Variants in GABPB2 observed in about 807,000 individuals in gnomAD.
GABPB2 encodes the protein GA binding protein transcription factor subunit beta 2, also known as GA-binding protein subunit beta-2.
A neutral mutation model predicts 39.1 loss-of-function variants in GABPB2; 23 were observed. The observed-to-expected ratio is 0.59, with a 90% CI of 0.42 to 0.83. The LOEUF (loss-of-function observed/expected upper bound fraction) is 0.83, where lower values mean the gene tolerates loss of function less well. GABPB2 is among the 40% of genes least tolerant of loss of function. The pLI is 0.00. For synonymous variants in GABPB2, 184 were observed against 199.3 expected (o/e 0.92, Z 0.65); for missense variants, 467 against 541.1 (o/e 0.86, Z 1.36).
At chr1:151,088,402 C>A in intron 2 of GABPB2, 105 bp downstream of exon 2, 1 of 1,234,428 alleles carries the variant, frequency 8.1e-7, no homozygotes, top group Non-Finnish European at 1.1e-6. Context: ...CCCTTTCTAC[C>A]TCATATCCCT....
intron 6 of GABPB2, among the ~76,000 whole-genome samples, chr1:151,105,279 T>C (rs911077612): frequency 1.3e-5 from 2 of 151,906 alleles, no homozygotes; most frequent in Non-Finnish European, 2.9e-5. Context: ...TTTATTGGGA[T>C]ATTGACTAAT....
chr1:151,094,248 C>T (rs1426441339), intron 4 of GABPB2, among the ~76,000 whole-genome samples: 2 of 151,820 alleles, frequency 1.3e-5, no homozygotes, highest in East Asian at 1.9e-4. Context: ...GACAGGGTTT[C>T]GCCATGTTGC....
rs895764582 is a variant in GABPB2 at position 151,118,461 on chromosome 1, A to G, written c.*205A>G. ...GGGAACATTTTTTCTGAGGGGCCAA[A>G]AGAATAAAGGACCAAATTTCTTAGC... On this transcript the variant is annotated 3_prime_UTR_variant, in exon 9 of 9. Transcript: ENST00000368918. 1.5e-4 allele frequency: 74 copies of G among 500,292 alleles called. No individual in the cohort carries two copies. In the Middle Eastern group the frequency reaches 3.3e-3, roughly 22 times the overall value. 31.0% of individuals were successfully genotyped at this position (500,292 alleles called of 1,614,324 possible).
chr1:151,086,670 ATTT>A (rs35098609), intron 1 of GABPB2, among the ~76,000 whole-genome samples: 103,613 of 147,764 alleles, frequency 0.7, 37,266 homozygotes, highest in East Asian at 0.88. Context: ...CTTGTTCTTA[ATTT>A]TTTTTTTTTT....
intron 7 of GABPB2, among the ~76,000 whole-genome samples, chr1:151,110,814 T>G (rs1179900605): frequency 6.6e-6 from 1 of 152,180 alleles, no homozygotes; most frequent in Non-Finnish European, 1.5e-5. Context: ...ACAGATTTCA[T>G]GAGTTATCTG....
At position 151,117,456 on chromosome 1, in the gene GABPB2, G is replaced by A. The variant is rs775155410; in HGVS notation, c.987G>A (p.Lys329=). The A allele has an allele frequency of 2.4e-5, 38 of 1,613,726 alleles. No homozygotes were observed. The Admixed American group carries it at 4.0e-4, about 17-fold the overall frequency. The part of the protein sequence containing the change: ...ETVIKEEEEE[K]LPLTKKPRIG... ...TAATTAAAGAGGAAGAAGAAGAGAA[G>A]TTGCCACTAACAAAGAAACCAAGGA... Residue 329 remains lysine, a synonymous_variant, in exon 8 of 9, where the codon AAG becomes AAA. Transcript: ENST00000368918.
rs1680042032 is a variant in GABPB2 at position 151,107,266 on chromosome 1, A to G, written c.922+44A>G. Reference sequence around the variant, plus strand: ...ACAATTGTTTATTAAAAGATATTTTAGATACTCCATACTCACCTAAAAATG... The same window carrying G: ...ACAATTGTTTATTAAAAGATATTTTGGATACTCCATACTCACCTAAAAATG... On this transcript the variant is annotated intron_variant, in intron 7 of 8. Coordinates refer to ENST00000368918, the MANE Select transcript of GABPB2 (RefSeq NM_144618.3). 6 of 1,342,430 alleles carry G rather than the reference A, an allele frequency of 4.5e-6. No individual in the cohort carries two copies. The East Asian group carries it at 1.5e-4, about 35-fold the overall frequency. 83.2% of individuals were successfully genotyped at this position (1,342,430 alleles called of 1,614,324 possible).
intron 1 of GABPB2, among the ~76,000 whole-genome samples, chr1:151,077,858 A>G (rs1443029783): frequency 2.0e-5 from 3 of 152,162 alleles, no homozygotes; most frequent in Non-Finnish European, 4.4e-5. Flanking sequence ...AGGCTGAGAC[A>G]GGAGAATCGC....
In GABPB2 at chr1:151,117,572, AC is replaced by A. The variant is rs1229981899; in HGVS notation, c.1047+59del. The A allele has an allele frequency of 3.2e-6, 5 of 1,558,642 alleles. No individual in the cohort carries two copies. The African/African-American group carries it at 6.9e-5, about 21-fold the overall frequency. On this transcript the variant is annotated intron_variant, in intron 8 of 8. Coordinates refer to ENST00000368918, the MANE Select transcript of GABPB2 (RefSeq NM_144618.3). ...TAAAGCCTTAATTATTAAGGCCTGA[AC>A]CCTTCTTCATCTTTTCTTTTTTCTT...
rs1234062941 is a variant in GABPB2 at position 151,119,848 on chromosome 1, G to C, written c.*1592G>C. The C allele has an allele frequency of 6.6e-6, 1 of 152,178 alleles. No individual in the cohort carries two copies. The highest frequency in any genetic ancestry group is 1.5e-5 in the Non-Finnish European group (1 of 68,142). 9.4% of individuals were successfully genotyped at this position (152,178 alleles called of 1,614,324 possible). A position where few individuals can be genotyped will look rare whatever the true frequency, so the allele number is the denominator to read the frequency against. On this transcript the variant is annotated 3_prime_UTR_variant, in exon 9 of 9. Transcript: ENST00000368918. ...AGGCAGGAGAATCGCTTGAACCCGGGAGGCGGAGGTTGCAGTGAGCTGAGA... is the reference window on the plus strand; with the variant it reads ...AGGCAGGAGAATCGCTTGAACCCGGCAGGCGGAGGTTGCAGTGAGCTGAGA...
rs1005267287 is a variant in GABPB2 at position 151,125,199 on chromosome 1, A to G, written c.*6943A>G. ...CTTTAGACATCTTGTTCTAGCAACAATGATGGTAGCAGCTCTCTCCCTGAC... is the reference window on the plus strand; with the variant it reads ...CTTTAGACATCTTGTTCTAGCAACAGTGATGGTAGCAGCTCTCTCCCTGAC... On this transcript the variant is annotated 3_prime_UTR_variant, in exon 9 of 9. Transcript: ENST00000368918. 7 of 152,180 alleles carry G rather than the reference A, an allele frequency of 4.6e-5. No individual in the cohort carries two copies. The highest frequency in any genetic ancestry group is 1.2e-4 in the African/African-American group (5 of 41,410). 9.4% of individuals were successfully genotyped at this position (152,180 alleles called of 1,614,324 possible).
In GABPB2 at chr1:151,115,355, T is replaced by C. The variant is rs184495802; in HGVS notation, c.923-2037T>C. Among the ~76,000 whole-genome samples, 6 of 151,176 alleles carry C rather than the reference T, an allele frequency of 4.0e-5. No individual in the cohort carries two copies. In the East Asian group the frequency reaches 1.2e-3, roughly 29 times the overall value. On this transcript the variant is annotated intron_variant, in intron 7 of 8. Coordinates refer to ENST00000368918, the MANE Select transcript of GABPB2 (RefSeq NM_144618.3). ...CCTGAATAATAAGAATGAAACTCCG[T>C]CTCAAAAGAAGGAAGGAAAGAAAGA...
At chr1:151,107,343 C>A in intron 7 of GABPB2, 121 bp downstream of exon 7, 290 of 472,134 alleles carry the variant, frequency 6.1e-4, no homozygotes, top group Middle Eastern at 1.6e-3. Context: ...CAAGTTGGGG[C>A]AAAGAAGCTC....
In GABPB2 at chr1:151,072,882, C is replaced by T. The variant is rs189700826; in HGVS notation, c.-1+1948C>T. 1.1e-4 allele frequency among the ~76,000 whole-genome samples: 17 copies of T among 152,180 alleles called. No homozygotes were observed. The East Asian group carries it at 3.3e-3, about 29-fold the overall frequency. ...AACAAACAAACATACTTTATCCAGTCCCCTATTGATATATATTTAGGTTCT... is the reference window on the plus strand; with the variant it reads ...AACAAACAAACATACTTTATCCAGTTCCCTATTGATATATATTTAGGTTCT... On this transcript the variant is annotated intron_variant, in intron 1 of 8. Transcript: ENST00000368918.
intron 1 of GABPB2, 65 bp from the exon 2 acceptor site, chr1:151,088,125 G>A: frequency 1.8e-6 from 2 of 1,118,784 alleles, no homozygotes; most frequent in South Asian, 1.3e-5. Flanking sequence ...TCTAAAAAAT[G>A]TATTGGCGGC....
intron 1 of GABPB2, among the ~76,000 whole-genome samples, chr1:151,087,605 C>G (rs949850849): frequency 6.6e-6 from 1 of 152,030 alleles, no homozygotes; most frequent in Non-Finnish European, 1.5e-5. Context: ...CAAGATCACA[C>G]CACTGCTCTC....
intron 1 of GABPB2, among the ~76,000 whole-genome samples, chr1:151,072,776 G>A (rs2102988421): frequency 6.6e-6 from 1 of 152,268 alleles, no homozygotes; most frequent in South Asian, 2.1e-4. Flanking sequence ...GAACCCAGCA[G>A]GCAGAGGTTG....
At chr1:151,090,643 G>A in intron 3 of GABPB2, 70 bp downstream of exon 3, 1 of 1,432,278 alleles carries the variant, frequency 7.0e-7, no homozygotes, top group Non-Finnish European at 9.7e-7. Context: ...TTACTTAAAT[G>A]GGTACTAGGA....
rs780551976 is a variant in GABPB2 at position 151,117,528 on chromosome 1, A to G, written c.1047+12A>G. On this transcript the variant is annotated intron_variant, in intron 8 of 8. Coordinates refer to ENST00000368918, the MANE Select transcript of GABPB2 (RefSeq NM_144618.3). ...TGGAGGAAAGCAAGGTAATGTTTTT[A>G]GGAGTGATGAAAAGAATTTAAAGCC... 2 of 1,611,932 alleles carry G rather than the reference A, an allele frequency of 1.2e-6. No homozygotes were observed. The highest frequency in any genetic ancestry group is 2.2e-5 in the South Asian group (2 of 90,812).
Sources: gnomAD v4.1 joint callset for allele counts (sites outside exome capture counted in the v4.1 genomes callset) on GRCh38, gnomAD v4.1.1 for gene constraint, MANE v1.5 for transcripts, NCBI Gene and HGNC (gene_info 2026-07-23, HGNC 2026-07-21) for gene names.